The following FANCG variants were observed in gnomAD, a reference collection of about 807,000 sequenced individuals.
The protein encoded by FANCG is Fanconi anemia group G protein.
FANCG carries 67 observed loss-of-function variants against 73.3 expected under a neutral mutation model. The observed-to-expected ratio is 0.91, with a 90% CI of 0.75 to 1.12. The LOEUF (loss-of-function observed/expected upper bound fraction) is 1.12, where lower values mean the gene tolerates loss of function less well. FANCG is among the 50% of genes most tolerant of loss of function. The pLI, the probability that FANCG is intolerant of heterozygous loss-of-function variation, is 0.00. For synonymous variants in FANCG, 297 were observed against 311.6 expected (o/e 0.95, Z 0.49); for missense variants, 643 against 735.6 (o/e 0.87, Z 1.46).
At chr9:35,074,307 T>C (rs886398306) in intron 13 of FANCG, 64 bp downstream of exon 13, 35 of 1,613,470 alleles carry the variant, frequency 2.2e-5, no homozygotes, top group South Asian at 1.3e-4. Flanking sequence ...CCACCCACAA[T>C]AGGTCCAAGG....
At position 35,079,612 on chromosome 9, in the gene FANCG, G is replaced by C. The variant is rs533740678; in HGVS notation, c.-88C>G. On this transcript the variant is annotated 5_prime_UTR_variant, in exon 1 of 14. Transcript: ENST00000378643. ...AAGCTCCCAACCCCAGCGGGGAGGGGCCTGGGCACTTCTGCACCCCGCCGA... is the reference window on the plus strand; with the variant it reads ...AAGCTCCCAACCCCAGCGGGGAGGGCCCTGGGCACTTCTGCACCCCGCCGA... The C allele has an allele frequency of 1.4e-5, 19 of 1,363,282 alleles. No individual in the cohort carries two copies. The highest frequency in any genetic ancestry group is 1.1e-4 in the East Asian group (5 of 43,652). The allele number at this position is 1,363,282 out of a possible 1,614,324, so 84.4% of individuals were successfully genotyped here.
At chr9:35,076,681 T>C (rs774491251) in intron 7 of FANCG, 43 bp downstream of exon 7, 17 of 1,614,158 alleles carry the variant, frequency 1.1e-5, no homozygotes, top group African/African-American at 2.7e-5. Context: ...CACAAGCACC[T>C]CAGGAATCCT....
Position 35,074,916 on chromosome 9 carries a change from A to G in FANCG, c.1636+11T>C. The G allele has an allele frequency of 6.2e-7, 1 of 1,614,198 alleles. No homozygotes were observed. The highest frequency in any genetic ancestry group is 8.5e-7 in the Non-Finnish European group (1 of 1,180,028). On this transcript the variant is annotated intron_variant, in intron 12 of 13. Transcript: ENST00000378643. ...ATCTATGCATAGCCGACGTCATGCAAGTATACATACCTGGGCACATCTGCA... is the reference window on the plus strand; with the variant it reads ...ATCTATGCATAGCCGACGTCATGCAGGTATACATACCTGGGCACATCTGCA...
Position 35,077,010 on chromosome 9 carries a change from G to C in FANCG, c.738C>G (p.Val246=), listed in dbSNP as rs1829097679. 6.2e-7 allele frequency: 1 copy of C among 1,614,192 alleles called. No individual in the cohort carries two copies. Among genetic ancestry groups the C allele is most frequent in the South Asian group, 1.1e-5 (1 of 91,080 alleles). Residue 246 remains valine (V), a synonymous_variant, in exon 6 of 14, where the codon GTC becomes GTG. Transcript: ENST00000378643. The part of the protein sequence containing the change: ...ASGLCPRPVL[V]QVYTALGSCH... ...AGGACCCCAGTGCTGTGTACACCTG[G>C]ACCAACACAGGCCGTGGACACAGGC...
chr9:35,076,218 G>A (rs1407876202), intron 8 of FANCG, 190 bp from the exon 9 acceptor site: 1 of 790,546 alleles, frequency 1.3e-6, no homozygotes, highest in East Asian at 2.6e-5. Flanking sequence ...GACTGGGGAA[G>A]AGACTTCAGA....
At position 35,077,023 on chromosome 9, in the gene FANCG, C is replaced by T. The variant is rs955462060; in HGVS notation, c.725G>A (p.Arg242Gln). 5 of 1,614,114 alleles carry T rather than the reference C, an allele frequency of 3.1e-6. No homozygotes were observed. Among genetic ancestry groups the T allele is most frequent in the East Asian group, 2.2e-5 (1 of 44,894 alleles). ...LHEAASGLCP[R>Q]PVLVQVYTAL... The stretch of plus-strand genomic sequence containing the variant: ...TGTGTACACCTGGACCAACACAGGC[C>T]GTGGACACAGGCCTGAGGCCGCTTC... The change falls in exon 6 of 14, where the codon CGG (arginine) becomes CAG (glutamine). Residue 242 changes from arginine (R) to glutamine (Q), a missense_variant. Arg to Gln is a conservative substitution (Grantham distance 43). Transcript: ENST00000378643.
Position 35,076,823 on chromosome 9 carries a change from C to G in FANCG, c.825G>C (p.Glu275Asp), listed in dbSNP as rs746425749. The change falls in exon 7 of 14, where the codon GAG becomes GAC. Residue 275 changes from glutamate to aspartate, a missense_variant. Transcript: ENST00000378643. Reference protein sequence around the residue: ...ALLYLVAALKEGSAWGPPLLE... With the variant: ...ALLYLVAALKDGSAWGPPLLE... ...GAAGTGGAGGACCCCAGGCTGATCCCTCTTTCAGGGCTGCAACCAAGTACA... is the reference window on the plus strand; with the variant it reads ...GAAGTGGAGGACCCCAGGCTGATCCGTCTTTCAGGGCTGCAACCAAGTACA... 2.5e-6 allele frequency: 4 copies of G among 1,614,068 alleles called. No individual in the cohort carries two copies. Among genetic ancestry groups the G allele is most frequent in the South Asian group, 1.1e-5 (1 of 91,086 alleles).
intron 8 of FANCG, chr9:35,076,230 T>A: frequency 1.3e-6 from 1 of 789,170 alleles, no homozygotes; most frequent in Non-Finnish European, 2.2e-6. Flanking sequence ...GACTTCAGAG[T>A]GTCAAAGATA....
intron 4 of FANCG, 151 bp downstream of exon 4, chr9:35,077,990 G>T (rs1048071105): frequency 3.9e-6 from 3 of 772,320 alleles, no homozygotes; most frequent in Non-Finnish European, 6.8e-6. Flanking sequence ...ACCAACCAGG[G>T]CAAGGTCACC....
intron 8 of FANCG, 95 bp from the exon 9 acceptor site, chr9:35,076,123 T>G: frequency 7.8e-7 from 1 of 1,278,498 alleles, no homozygotes; most frequent in Non-Finnish European, 1.1e-6. Flanking sequence ...AGATGGATGT[T>G]CATGGGCCCT....
rs149616199 is a variant in FANCG at position 35,075,278 on chromosome 9, C to G, written c.1480+1G>C. 2.7e-5 allele frequency: 44 copies of G among 1,614,030 alleles called. No homozygotes were observed. The highest frequency in any genetic ancestry group is 3.6e-5 in the Non-Finnish European group (43 of 1,180,046). ...AGAGGAAAACTGAAAGTTTAGATCA[C>G]CTTGTTCTTTTTCCTCAGGTGTGGC... On this transcript the variant is annotated splice_donor_variant, in intron 11 of 13. Transcript: ENST00000378643. LOFTEE classifies it high-confidence loss of function.
chr9:35,078,439 A>C, intron 3 of FANCG, 96 bp from the exon 4 acceptor site: 1 of 1,519,120 alleles, frequency 6.6e-7, no homozygotes, highest in South Asian at 1.1e-5. Flanking sequence ...CTCCTGCAGG[A>C]CCCCAAAGGT....
At chr9:35,076,078 T>G in intron 8 of FANCG, 50 bp from the exon 9 acceptor site, 2 of 1,545,156 alleles carry the variant, frequency 1.3e-6, no homozygotes, top group Non-Finnish European at 1.8e-6. Context: ...GCAGGGAACC[T>G]GCAAGGGTCC....
At chr9:35,075,255 A>G (rs779750311) in intron 11 of FANCG, 24 bp downstream of exon 11, 1 of 1,613,658 alleles carries the variant, frequency 6.2e-7, no homozygotes, top group South Asian at 1.1e-5. Context: ...AGGAGGTAAG[A>G]GGAAAACTGA....
At chr9:35,074,588 G>T in intron 12 of FANCG, 94 bp from the exon 13 acceptor site, 4 of 1,519,888 alleles carry the variant, frequency 2.6e-6, no homozygotes. Flanking sequence ...GAGAGAGGAA[G>T]TATCTTGCCT....
rs1327331709 is a variant in FANCG at position 35,074,509 on chromosome 9, C to G, written c.1637-15G>C. 2 of 1,613,760 alleles carry G rather than the reference C, an allele frequency of 1.2e-6. No individual in the cohort carries two copies. The highest frequency in any genetic ancestry group is 2.2e-5 in the South Asian group (2 of 91,072). Reference sequence around the variant, plus strand: ...GTCTCGATTACCTGTAGCCCCAGCCCAGAGTACAGAGTCTTAGAACTTGAC... The same window carrying G: ...GTCTCGATTACCTGTAGCCCCAGCCGAGAGTACAGAGTCTTAGAACTTGAC... On this transcript the variant is annotated splice_polypyrimidine_tract_variant and intron_variant, in intron 12 of 13. Coordinates refer to ENST00000378643, the MANE Select transcript of FANCG (RefSeq NM_004629.2).
rs757442131 is a variant in FANCG, at chr9:35,075,552, G to A, written c.1346C>T (p.Pro449Leu). ...CAGGTGGGTGGCAGAGACCCAGAGT[G>A]GGCAGTATGGCAGTTCCTTGGTTCC... ...RKGTKELPYC[P>L]LWVSATHLLQ... Residue 449 changes from proline (P) to leucine (L), a missense_variant, in exon 10 of 14, where the codon CCA (proline) becomes CTA (leucine). By Grantham distance (98) the Pro-to-Leu change is moderately conservative (BLOSUM62 -3). Transcript: ENST00000378643. 7 of 1,614,038 alleles carry A rather than the reference G, an allele frequency of 4.3e-6. No homozygotes were observed. In the African/African-American group the frequency reaches 5.3e-5, roughly 12 times the overall value.
chr9:35,077,963 A>C (rs1300363990), intron 4 of FANCG, 178 bp downstream of exon 4: 2 of 673,534 alleles, frequency 3.0e-6, no homozygotes, highest in African/African-American at 3.6e-5. Context: ...CTCCTAAGAG[A>C]ATCCCCACAA....
rs1474962460 is a variant in FANCG, at chr9:35,074,072, C to G, written c.*36G>C. Reference sequence around the variant, plus strand: ...GCCCTCCCCACAGAGAGACAGCCCACTGGGGACCCAGCTCAAGCTCTTCAA... The same window carrying G: ...GCCCTCCCCACAGAGAGACAGCCCAGTGGGGACCCAGCTCAAGCTCTTCAA... On this transcript the variant is annotated 3_prime_UTR_variant, in exon 14 of 14. Coordinates refer to ENST00000378643, the MANE Select transcript of FANCG (RefSeq NM_004629.2). 6.6e-7 allele frequency: 1 copy of G among 1,506,462 alleles called. No homozygotes were observed. Among genetic ancestry groups the G allele is most frequent in the Non-Finnish European group, 9.2e-7 (1 of 1,082,168 alleles). 93.3% of individuals were successfully genotyped at this position (1,506,462 alleles called of 1,614,324 possible). A position where few individuals can be genotyped will look rare whatever the true frequency, so the allele number is the denominator to read the frequency against.
Sources: allele counts gnomAD v4.1 joint callset, GRCh38; gene constraint gnomAD v4.1.1; transcripts MANE v1.5; gene names NCBI Gene and HGNC (gene_info 2026-07-23, HGNC 2026-07-21).